Variants in ZFHX3 observed in about 807,000 individuals in gnomAD.
ZFHX3 encodes zinc finger homeobox 3.
In ZFHX3, 42 loss-of-function variants were observed where a neutral mutation model predicts 279.1. That is an observed-to-expected ratio of 0.15 (90% CI 0.12 to 0.19). ZFHX3 has a LOEUF of 0.19. Among genes scored for constraint, ZFHX3 ranks in the 10% least tolerant of loss-of-function variants. The probability of loss-of-function intolerance (pLI) is 1.00; values close to 1 mark genes in which losing one functional copy is unlikely to be tolerated. For synonymous variants in ZFHX3, 2,293 were observed against 1,957.8 expected (o/e 1.17, Z -4.52); for missense variants, 4,981 against 4,754.0 (o/e 1.05, Z -1.40).
At chr16:73,665,545 A>G (rs2052828974) in intron 2 of ZFHX3, among the ~76,000 whole-genome samples, 1 of 151,790 alleles carries the variant, frequency 6.6e-6, no homozygotes, top group South Asian at 2.1e-4. Flanking sequence ...GAGGATGCTG[A>G]GACCCAGGAA....
chr16:73,090,009 C>G (rs1305218158), intron 8 of ZFHX3, among the ~76,000 whole-genome samples: 2 of 152,216 alleles, frequency 1.3e-5, no homozygotes, highest in East Asian at 1.9e-4. Flanking sequence ...CCTGACAATG[C>G]CTTGCCTGCA....
intron 3 of ZFHX3, among the ~76,000 whole-genome samples, chr16:72,904,364 CTCAAAATA>C (rs2039115957): frequency 7.1e-6 from 1 of 141,768 alleles, no homozygotes; most frequent in South Asian, 2.3e-4. Flanking sequence ...GAGATTCTGT[CTCAAAATA>C]AATAAATAAA....
At chr16:73,680,335 G>A (rs1394078213) in intron 1 of ZFHX3, 1 of 152,124 alleles carries the variant, frequency 6.6e-6, no homozygotes, top group African/African-American at 2.4e-5. Flanking sequence ...GTGTGTGCTT[G>A]GCTAAAAATA....
chr16:73,802,711 G>T lies in ZFHX3; in HGVS notation c.-1608+88940C>A, dbSNP rs530222403. Among the ~76,000 whole-genome samples the T allele has an allele frequency of 5.3e-5, 8 of 152,176 alleles. No homozygotes were observed. In the East Asian group the frequency reaches 1.5e-3, roughly 29 times the overall value. On this transcript the variant is annotated intron_variant, in intron 1 of 17. Coordinates refer to the ZFHX3 transcript ENST00000641206. ...GACACCAGAACTAAAGGTTGAAGAG[G>T]GATGTTTTCTAAACAAGAACAAAAT...
intron 3 of ZFHX3, among the ~76,000 whole-genome samples, chr16:73,337,656 C>G (rs1357833380): frequency 6.6e-6 from 1 of 151,984 alleles, no homozygotes; most frequent in Non-Finnish European, 1.5e-5. Context: ...TATCCATAGA[C>G]AATCCATCAA....
At chr16:73,862,447 T>C (rs754679688) in intron 1 of ZFHX3, among the ~76,000 whole-genome samples, 10 of 152,184 alleles carry the variant, frequency 6.6e-5, no homozygotes, top group Non-Finnish European at 1.5e-4. Context: ...TGCTTGTAAT[T>C]CCATCCTAAT....
At chr16:73,552,359 G>A (rs891664278) in intron 2 of ZFHX3, among the ~76,000 whole-genome samples, 2 of 152,136 alleles carry the variant, frequency 1.3e-5, no homozygotes, top group African/African-American at 4.8e-5. Flanking sequence ...CACCTAAAAA[G>A]TATACCATTA....
In ZFHX3 at chr16:73,593,179, A is replaced by C. The variant is rs112814806; in HGVS notation, c.-1547+87001T>G. Among the ~76,000 whole-genome samples the C allele has an allele frequency of 6.0e-4, 92 of 152,304 alleles. 1 individual carries two copies. Among genetic ancestry groups the C allele is most frequent in the African/African-American group, 2.1e-3 (89 of 41,582 alleles). ...GAAGGCTTCAATGGCTTCACCAATG[A>C]GTTTCACCAAATAACCAGGGAACAA... On this transcript the variant is annotated intron_variant, in intron 2 of 17. Coordinates refer to the ZFHX3 transcript ENST00000641206.
chr16:73,619,473 G>A (rs2052336443), intron 2 of ZFHX3, among the ~76,000 whole-genome samples: 1 of 118,436 alleles, frequency 8.4e-6, no homozygotes, highest in African/African-American at 3.3e-5. Context: ...GGGTGACAGA[G>A]CGATACTGTG....
chr16:73,875,322 A>G (rs1479500736), intron 1 of ZFHX3, among the ~76,000 whole-genome samples: 4 of 152,214 alleles, frequency 2.6e-5, no homozygotes, highest in East Asian at 3.8e-4. Context: ...AATTTATACA[A>G]TTAACTGCAA....
chr16:73,558,907 G>T (rs993346575), intron 2 of ZFHX3, among the ~76,000 whole-genome samples: 4 of 151,210 alleles, frequency 2.6e-5, no homozygotes, highest in African/African-American at 9.7e-5. Flanking sequence ...TAGAGACAGG[G>T]TTTCACCATG....
At position 72,787,646 on chromosome 16, in the gene ZFHX3, G is replaced by C. The variant is rs757184727; in HGVS notation, c.10630C>G (p.Leu3544Val). Residue 3544 changes from leucine to valine, a missense_variant, in exon 10 of 10, where the codon CTG becomes GTG. Coordinates refer to ENST00000268489, the MANE Select transcript of ZFHX3 (RefSeq NM_006885.4). ...CESALCGEEA[L>V]SQHLESALHK... is the part of the protein sequence containing the mutation. ...AAGGCCGACTCGAGATGTTGACTCA[G>C]AGCTTCCTCCCCACAGAGCGCGCTC... The C allele has an allele frequency of 6.8e-6, 11 of 1,609,926 alleles. No individual in the cohort carries two copies. The highest frequency in any genetic ancestry group is 7.6e-6 in the Non-Finnish European group (9 of 1,177,892).
At chr16:73,623,978 G>C (rs1162359912) in intron 2 of ZFHX3, among the ~76,000 whole-genome samples, 2 of 152,166 alleles carry the variant, frequency 1.3e-5, no homozygotes, top group Non-Finnish European at 2.9e-5. Flanking sequence ...ACATTCCAAA[G>C]TTGCATATAT....
intron 1 of ZFHX3, among the ~76,000 whole-genome samples, chr16:72,981,328 C>A (rs572001350): frequency 7.3e-4 from 111 of 152,278 alleles, no homozygotes; most frequent in African/African-American, 2.3e-3. Context: ...AGCAAAAATG[C>A]GCCTGTTTAC....
At position 73,162,379 on chromosome 16, in the gene ZFHX3, C is replaced by T. The variant is rs1967260635; in HGVS notation, c.-1103-18548G>A. On this transcript the variant is annotated intron_variant, in intron 5 of 17. Transcript: ENST00000641206. ...CTGTCACTGTCTCCCATCACCCCCA[C>T]ATGGGACTCTTTGGCTGCAGGAAAA... Among the ~76,000 whole-genome samples the T allele has an allele frequency of 2.0e-5, 3 of 152,234 alleles. 1 individual carries two copies. The South Asian group carries it at 6.2e-4, about 31-fold the overall frequency.
At chr16:73,051,337 A>G (rs1268839805), upstream of ZFHX3, among the ~76,000 whole-genome samples, 1 of 152,230 alleles carries the variant, frequency 6.6e-6, no homozygotes, top group Non-Finnish European at 1.5e-5. Flanking sequence ...AGTTCACCCC[A>G]TGATTTTGAG....
intron 2 of ZFHX3, among the ~76,000 whole-genome samples, chr16:73,526,845 C>T (rs559707706): frequency 2.0e-5 from 3 of 151,556 alleles, no homozygotes; most frequent in Admixed American, 2.0e-4. Flanking sequence ...AATGACCATT[C>T]GAAGCAAAAG....
intron 3 of ZFHX3, among the ~76,000 whole-genome samples, chr16:73,393,546 C>T (rs1436785717): frequency 6.6e-6 from 1 of 152,200 alleles, no homozygotes; most frequent in Admixed American, 6.5e-5. Context: ...GCGCTGTTCA[C>T]AACTTCAAAG....
At chr16:72,931,311 TCTC>T (rs1162745879) in intron 3 of ZFHX3, among the ~76,000 whole-genome samples, 1 of 151,994 alleles carries the variant, frequency 6.6e-6, no homozygotes, top group African/African-American at 2.4e-5. Flanking sequence ...CGCATTAAGT[TCTC>T]CTTCTTTCAA....
Sources: allele counts gnomAD v4.1 joint callset (sites outside exome capture counted in the v4.1 genomes callset), GRCh38; gene constraint gnomAD v4.1.1; transcripts MANE v1.5; gene names NCBI Gene and HGNC (gene_info 2026-07-23, HGNC 2026-07-21).